Variants in NRXN3 observed in about 807,000 individuals in gnomAD.
The protein encoded by NRXN3 is neurexin III.
A neutral mutation model predicts 137.6 loss-of-function variants in NRXN3; 32 were observed. The observed-to-expected ratio is 0.23, with a 90% confidence interval of 0.18 to 0.31. The LOEUF is 0.31. NRXN3 is among the 10% of genes least tolerant of loss of function. NRXN3 has a pLI of 1.00. For synonymous variants in NRXN3, 798 were observed against 784.5 expected, an observed-to-expected ratio of 1.02 and a Z score of -0.29; for missense variants, 1,574 against 2,062.5, an observed-to-expected ratio of 0.76 and a Z score of 4.59.
In NRXN3 at chr14:78,440,415, AT is replaced by A. The variant is rs144328648; in HGVS notation, c.757+142560del. Among the ~76,000 whole-genome samples, 345 of 149,830 alleles carry A rather than the reference AT, an allele frequency of 2.3e-3. 1 individual carries two copies. In the East Asian group the frequency reaches 0.044, roughly 19 times the overall value. ...GATGATTACTGTTATTGCAGCTATT[AT>A]TTTTATAAATACTCCCTTCCTTGAG... On this transcript the variant is annotated intron_variant, in intron 4 of 20. Transcript: ENST00000335750.
intron 15 of NRXN3, among the ~76,000 whole-genome samples, chr14:79,122,203 G>T (rs530070694): frequency 6.6e-6 from 1 of 152,318 alleles, no homozygotes; most frequent in East Asian, 1.9e-4. Flanking sequence ...TAACGTGAAG[G>T]TTTTCCAGGG....
At chr14:79,354,062 T>G (rs2093330868) in intron 15 of NRXN3, among the ~76,000 whole-genome samples, 1 of 152,176 alleles carries the variant, frequency 6.6e-6, no homozygotes, top group African/African-American at 2.4e-5. Context: ...TATAATGTTT[T>G]CCGACCCTAA....
At chr14:78,938,848 C>CTTTTTTTTTT (rs1255540319) in intron 10 of NRXN3, among the ~76,000 whole-genome samples, 18 of 132,014 alleles carry the variant, frequency 1.4e-4, no homozygotes, top group South Asian at 5.0e-4. Flanking sequence ...AGTGATTTTT[C>CTTTTTTTTTT]TTTTTTTTTT....
intron 19 of NRXN3, among the ~76,000 whole-genome samples, chr14:79,798,011 G>A (rs766248947): frequency 6.6e-6 from 1 of 151,738 alleles, no homozygotes; most frequent in Non-Finnish European, 1.5e-5. Context: ...GAGGCAAGAG[G>A]ATCACTTAAG....
intron 4 of NRXN3, among the ~76,000 whole-genome samples, chr14:78,440,727 G>A (rs1023144805): frequency 6.6e-6 from 1 of 152,140 alleles, no homozygotes; most frequent in African/African-American, 2.4e-5. Context: ...GCTGTGCTAT[G>A]GGGGAGGAGA....
chr14:78,520,296 T>C (rs183602165), intron 4 of NRXN3, among the ~76,000 whole-genome samples: 10 of 152,316 alleles, frequency 6.6e-5, no homozygotes, highest in African/African-American at 2.2e-4. Flanking sequence ...GAAACAGATA[T>C]TGTCAGTGAA....
rs199935973 is a variant in NRXN3, at chr14:79,769,273, C to T, written c.4015-35839C>T. ...GTTCAGATTCAGGAAATACAGAGAA[C>T]GCCACAAAGATACTCCTCGAGAAGA... On this transcript the variant is annotated intron_variant, in intron 19 of 20. Coordinates refer to ENST00000335750, the MANE Select transcript of NRXN3 (RefSeq NM_001330195.2). Among the ~76,000 whole-genome samples the T allele has an allele frequency of 3.4e-3, 507 of 150,016 alleles. 10 individuals carry two copies. The East Asian group carries it at 0.042, about 13-fold the overall frequency.
intron 15 of NRXN3, among the ~76,000 whole-genome samples, chr14:79,082,993 C>T (rs2047362485): frequency 6.6e-6 from 1 of 152,168 alleles, no homozygotes; most frequent in Non-Finnish European, 1.5e-5. Context: ...ATTCACAACA[C>T]GGGATGGCGG....
chr14:78,869,355 G>A (rs1157410452), intron 10 of NRXN3, among the ~76,000 whole-genome samples: 1 of 151,782 alleles, frequency 6.6e-6, no homozygotes, highest in Non-Finnish European at 1.5e-5. Context: ...CTATTTCCAG[G>A]CATATCACTC....
chr14:78,783,035 T>C (rs1321447614), intron 8 of NRXN3, among the ~76,000 whole-genome samples: 2 of 152,322 alleles, frequency 1.3e-5, no homozygotes, highest in East Asian at 3.9e-4. Context: ...ATGCTAAAAT[T>C]AGTGGATAAA....
In NRXN3 at chr14:78,332,572, C is replaced by G. The variant is rs374564881; in HGVS notation, c.757+34712C>G. The stretch of plus-strand genomic sequence containing the variant: ...CTTGTGATCTGCCTGCCTTGGCCTC[C>G]CAAAGTGTTGGGATTACAGGAGTGA... On this transcript the variant is annotated intron_variant, in intron 4 of 20. Coordinates refer to ENST00000335750, the MANE Select transcript of NRXN3 (RefSeq NM_001330195.2). Among the ~76,000 whole-genome samples the G allele has an allele frequency of 2.4e-3, 364 of 152,248 alleles. 2 individuals are homozygous for G. The highest frequency in any genetic ancestry group is 8.6e-3 in the African/African-American group (357 of 41,538).
intron 8 of NRXN3, among the ~76,000 whole-genome samples, chr14:78,758,948 T>TGG: frequency 6.6e-6 from 1 of 152,214 alleles, no homozygotes; most frequent in African/African-American, 2.4e-5. Flanking sequence ...CATTTTGTTC[T>TGG]TGGTGTACCA....
intron 4 of NRXN3, among the ~76,000 whole-genome samples, chr14:78,527,641 A>G (rs1363131857): frequency 1.3e-5 from 2 of 152,192 alleles, no homozygotes; most frequent in African/African-American, 2.4e-5. Flanking sequence ...GATCTGAAAA[A>G]TGGGGCTAGT....
chr14:78,910,799 G>A (rs143096050), intron 10 of NRXN3, among the ~76,000 whole-genome samples: 22 of 152,206 alleles, frequency 1.4e-4, no homozygotes, highest in African/African-American at 4.3e-4. Context: ...AACCAGAATC[G>A]TGCCTAGCAT....
chr14:79,531,065 A>G (rs1412751397), intron 16 of NRXN3, among the ~76,000 whole-genome samples: 7 of 152,212 alleles, frequency 4.6e-5, no homozygotes, highest in Non-Finnish European at 7.3e-5. Flanking sequence ...TTAGATAGAT[A>G]AGAATTCAAC....
At chr14:78,225,887 C>G (rs1036616292) in intron 1 of NRXN3, among the ~76,000 whole-genome samples, 3 of 151,784 alleles carry the variant, frequency 2.0e-5, no homozygotes, top group African/African-American at 7.3e-5. Context: ...CCCACTAAAC[C>G]CTGGCTGGGA....
chr14:79,582,081 C>T (rs76538622), intron 16 of NRXN3, among the ~76,000 whole-genome samples: 19,435 of 152,066 alleles, frequency 0.13, 1,405 homozygotes, highest in South Asian at 0.22. Context: ...CCTGCCACCA[C>T]GATGCCCAGC....
chr14:78,888,343 G>A lies in NRXN3; in HGVS notation c.2276-68899G>A, dbSNP rs568220354. 3.3e-5 allele frequency among the ~76,000 whole-genome samples: 5 copies of A among 151,938 alleles called. No homozygotes were observed. In the South Asian group the frequency reaches 1.0e-3, roughly 32 times the overall value. ...TTGACAGCAAATTATTGAATTCTGA[G>A]TATCCAGAATGAGTTTGGGGAGTAA... On this transcript the variant is annotated intron_variant, in intron 10 of 20. Transcript: ENST00000335750.
chr14:78,877,264 A>G (rs1469793787), intron 10 of NRXN3, among the ~76,000 whole-genome samples: 1 of 152,206 alleles, frequency 6.6e-6, no homozygotes, highest in African/African-American at 2.4e-5. Context: ...ATGAAGGTAT[A>G]TAGCAAAAGT....
Sources: gnomAD v4.1 joint callset for allele counts (sites outside exome capture counted in the v4.1 genomes callset) on GRCh38, gnomAD v4.1.1 for gene constraint, MANE v1.5 for transcripts, NCBI Gene and HGNC (gene_info 2026-07-23, HGNC 2026-07-21) for gene names.